The following DISP2 variants were observed in gnomAD, a reference collection of about 807,000 sequenced individuals.
The protein encoded by DISP2 is protein dispatched homolog 2.
In DISP2, 59 loss-of-function variants were observed where a neutral mutation model predicts 95.5. The ratio of observed to expected loss-of-function variants is 0.62; its 90% confidence interval spans 0.50 to 0.77. The LOEUF (loss-of-function observed/expected upper bound fraction) is 0.77, where lower values mean the gene tolerates loss of function less well. DISP2 is among the 30% of genes least tolerant of loss of function. The probability of loss-of-function intolerance (pLI) is 0.00; values close to 1 mark genes in which losing one functional copy is unlikely to be tolerated. For synonymous variants in DISP2, 827 were observed against 815.0 expected, an observed-to-expected ratio of 1.01 and a Z score of -0.25; for missense variants, 1,752 against 1,854.6, an observed-to-expected ratio of 0.94 and a Z score of 1.02.
rs1422856899 is a variant in DISP2, at chr15:40,358,380, C to T, written c.59C>T (p.Pro20Leu). 1 of 1,368,436 alleles carries T rather than the reference C, an allele frequency of 7.3e-7. No individual in the cohort carries two copies. The highest frequency in any genetic ancestry group is 1.7e-5 in the South Asian group (1 of 59,248). 84.8% of individuals were successfully genotyped at this position (1,368,436 alleles called of 1,614,324 possible). The change falls in exon 1 of 8, where the codon CCG becomes CTG. Residue 20 changes from proline to leucine, a missense_variant. Around this residue, in one of 5 missense-constraint regions of DISP2, gnomAD observed 342 missense variants for 364.3 expected, o/e 0.94. Transcript: ENST00000267889. ...AGCGGTCCGGCTCCCGGCCCGGGTC[C>T]GGAAGGGGAGCAACGGCCCGAGGGG... is the stretch of plus-strand genomic sequence containing the variant. Reference protein sequence around the residue: ...GGSGPAPGPGPEGEQRPEGEP... With the variant: ...GGSGPAPGPGLEGEQRPEGEP...
chr15:40,362,475 G>A (rs1273869818), intron 1 of DISP2, among the ~76,000 whole-genome samples: 1 of 152,186 alleles, frequency 6.6e-6, no homozygotes, highest in African/African-American at 2.4e-5. Context: ...TTTCCAGGAC[G>A]CCTTCTCTGT....
At chr15:40,364,802 C>G (rs779555159) in intron 4 of DISP2, 36 bp from the exon 5 acceptor site, 21 of 1,598,662 alleles carry the variant, frequency 1.3e-5, no homozygotes, top group Non-Finnish European at 1.8e-5. Context: ...AACTCCTACC[C>G]TGCCCACCTG....
Position 40,367,658 on chromosome 15 carries a change from G to A in DISP2, c.1546G>A (p.Val516Met). Residue 516 changes from valine to methionine, a missense_variant, in exon 8 of 8, where the codon GTG becomes ATG. Around this residue, in one of 5 missense-constraint regions of DISP2, gnomAD observed 732 missense variants for 714.6 expected, o/e 1.02. Coordinates refer to ENST00000267889, the MANE Select transcript of DISP2 (RefSeq NM_033510.3). ...GCGCTCACTCTTCCTCACGCTCATGGTGCTGCTGGGGGTGCTGGGCTCACT... is the reference window on the plus strand; with the variant it reads ...GCGCTCACTCTTCCTCACGCTCATGATGCTGCTGGGGGTGCTGGGCTCACT... Reference protein sequence around the residue: ...YLRSLFLTLMVLLGVLGSLLV... With the variant: ...YLRSLFLTLMMLLGVLGSLLV... The A allele has an allele frequency of 3.7e-6, 6 of 1,613,992 alleles. No individual in the cohort carries two copies. Among genetic ancestry groups the A allele is most frequent in the Non-Finnish European group, 5.1e-6 (6 of 1,180,006 alleles).
At chr15:40,361,248 A>T (rs959085315) in intron 1 of DISP2, among the ~76,000 whole-genome samples, 1 of 152,250 alleles carries the variant, frequency 6.6e-6, no homozygotes, top group East Asian at 1.9e-4. Context: ...GAAAGTATTT[A>T]TATAGGTAGT....
At position 40,372,434 on chromosome 15, in the gene DISP2, C is replaced by T. The variant is rs1002423958; in HGVS notation, c.*2116C>T. 2.6e-5 allele frequency: 4 copies of T among 152,080 alleles called. No homozygotes were observed. Among genetic ancestry groups the T allele is most frequent in the Admixed American group, 6.6e-5 (1 of 15,266 alleles). 9.4% of individuals were successfully genotyped at this position (152,080 alleles called of 1,614,324 possible). A position where few individuals can be genotyped will look rare whatever the true frequency, so the allele number is the denominator to read the frequency against. ...AGCCCATGAGAAGTGGAGCAGAAAC[C>T]GAAAAGAGACATGGGAGTTGTGGAA... On this transcript the variant is annotated 3_prime_UTR_variant, in exon 8 of 8. Transcript: ENST00000267889.
rs199498239 is a variant in DISP2, at chr15:40,369,426, T to A, written c.3314T>A (p.Phe1105Tyr). Residue 1105 changes from phenylalanine (F) to tyrosine (Y), a missense_variant, in exon 8 of 8, where the codon TTC (phenylalanine) becomes TAC (tyrosine). Physicochemically the swap from Phe to Tyr is conservative, Grantham distance 22. This residue lies in a region of DISP2 where 317 missense variants were observed against 394.9 expected (regional missense o/e 0.80). Coordinates refer to ENST00000267889, the MANE Select transcript of DISP2 (RefSeq NM_033510.3). Reference sequence around the variant, plus strand: ...TGCGTCAGTTGTGGCTTTGCCAGCTTCTTCTTCCAATCTCTCTGCTGTTTC... The same window carrying A: ...TGCGTCAGTTGTGGCTTTGCCAGCTACTTCTTCCAATCTCTCTGCTGTTTC... ...VKCVSCGFAS[F>Y]FFQSLCCFFG... 5.0e-6 allele frequency: 8 copies of A among 1,613,418 alleles called. No homozygotes were observed. Among genetic ancestry groups the A allele is most frequent in the Non-Finnish European group, 6.8e-6 (8 of 1,180,030 alleles).
rs1192573710 is a variant in DISP2 at position 40,371,563 on chromosome 15, G to C, written c.*1245G>C. ...GTGAAGCCAAATCCAATCAAGGCAGGAACTCAGACCTGCCCTTTGGGAAGT... is the reference window on the plus strand; with the variant it reads ...GTGAAGCCAAATCCAATCAAGGCAGCAACTCAGACCTGCCCTTTGGGAAGT... On this transcript the variant is annotated 3_prime_UTR_variant, in exon 8 of 8. Coordinates refer to ENST00000267889, the MANE Select transcript of DISP2 (RefSeq NM_033510.3). 1 of 152,248 alleles carries C rather than the reference G, an allele frequency of 6.6e-6. No homozygotes were observed. The highest frequency in any genetic ancestry group is 1.5e-5 in the Non-Finnish European group (1 of 68,064). The allele number at this position is 152,248 out of a possible 1,614,324, so 9.4% of individuals were successfully genotyped here. A position where few individuals can be genotyped will look rare whatever the true frequency, so the allele number is the denominator to read the frequency against.
Position 40,370,348 on chromosome 15 carries a change from G to A in DISP2, c.*30G>A, listed in dbSNP as rs532315890. ...GACCCGGGGAGGCTGGACAGGGCGCGGAACCCTGTCATGGATGACAAGGCA... is the reference window on the plus strand; with the variant it reads ...GACCCGGGGAGGCTGGACAGGGCGCAGAACCCTGTCATGGATGACAAGGCA... On this transcript the variant is annotated 3_prime_UTR_variant, in exon 8 of 8. Coordinates refer to ENST00000267889, the MANE Select transcript of DISP2 (RefSeq NM_033510.3). The A allele has an allele frequency of 1.5e-4, 220 of 1,513,010 alleles. 4 individuals are homozygous for A. The highest frequency in any genetic ancestry group is 1.3e-3 in the South Asian group (100 of 76,706). The allele number at this position is 1,513,010 out of a possible 1,614,324, so 93.7% of individuals were successfully genotyped here. A position where few individuals can be genotyped will look rare whatever the true frequency, so the allele number is the denominator to read the frequency against.
At chr15:40,360,949 A>G (rs1889396589) in intron 1 of DISP2, among the ~76,000 whole-genome samples, 1 of 152,222 alleles carries the variant, frequency 6.6e-6, no homozygotes, top group Non-Finnish European at 1.5e-5. Context: ...GTGCTCAAGA[A>G]AAACCCGCAG....
chr15:40,366,605 C>G (rs985686909), intron 7 of DISP2, among the ~76,000 whole-genome samples: 1 of 152,162 alleles, frequency 6.6e-6, no homozygotes, highest in Admixed American at 6.5e-5. Flanking sequence ...AAGAAACAGC[C>G]CTGGGCCTAA....
intron 1 of DISP2, among the ~76,000 whole-genome samples, chr15:40,361,403 G>T (rs1226981345): frequency 6.6e-6 from 1 of 152,240 alleles, no homozygotes; most frequent in Non-Finnish European, 1.5e-5. Flanking sequence ...AAGCAAACGT[G>T]TCTTCCACGT....
chr15:40,363,926 G>T lies in DISP2; in HGVS notation c.421G>T (p.Ala141Ser), dbSNP rs530696119. 3 of 1,548,394 alleles carry T rather than the reference G, an allele frequency of 1.9e-6. No homozygotes were observed. Among genetic ancestry groups the T allele is most frequent in the East Asian group, 2.3e-5 (1 of 44,192 alleles). The change falls in exon 2 of 8, where the codon GCT (alanine) becomes TCT (serine). Residue 141 changes from alanine (A) to serine (S), a missense_variant. By Grantham distance (99) the Ala-to-Ser change is moderately conservative (BLOSUM62 1). Around this residue, in one of 5 missense-constraint regions of DISP2, gnomAD observed 342 missense variants for 364.3 expected, o/e 0.94. Transcript: ENST00000267889. ...SQRDGTWKPPAVQHHVVSVRQ... is the reference protein window; with the variant it reads ...SQRDGTWKPPSVQHHVVSVRQ... ...GCGCGATGGGACCTGGAAGCCACCC[G>T]CTGTGCAGCACCATGTGGTCAGCGT...
chr15:40,374,105 G>A lies in DISP2; in HGVS notation c.*3787G>A, dbSNP rs1403634220. The A allele has an allele frequency of 6.6e-6, 1 of 150,678 alleles. No individual in the cohort carries two copies. Among genetic ancestry groups the A allele is most frequent in the East Asian group, 1.9e-4 (1 of 5,156 alleles). The allele number at this position is 150,678 out of a possible 1,614,324, so 9.3% of individuals were successfully genotyped here. On this transcript the variant is annotated 3_prime_UTR_variant, in exon 8 of 8. Transcript: ENST00000267889. ...CTGTGGTGATTTGGGGACTTTTAGA[G>A]TGACAGTGTTAGACAGACTGATTTT...
At chr15:40,364,569 G>C (rs762927408) in intron 4 of DISP2, 25 bp downstream of exon 4, 1 of 1,610,108 alleles carries the variant, frequency 6.2e-7, no homozygotes, top group East Asian at 2.2e-5. Flanking sequence ...GGTGGGACGG[G>C]GTCCCCAGGC....
Position 40,367,423 on chromosome 15 carries a change from G to A in DISP2, c.1311G>A (p.Leu437=). The part of the protein sequence containing the change: ...DYQVPSLKYS[L]LFLPTPKGAS... ...AGGTGCCTTCCCTCAAGTACAGCCTGCTCTTCCTGCCCACCCCAAAGGGTG... is the reference window on the plus strand; with the variant it reads ...AGGTGCCTTCCCTCAAGTACAGCCTACTCTTCCTGCCCACCCCAAAGGGTG... Residue 437 remains leucine, a synonymous_variant, in exon 8 of 8, where the codon CTG becomes CTA. Coordinates refer to ENST00000267889, the MANE Select transcript of DISP2 (RefSeq NM_033510.3). 1 of 1,613,564 alleles carries A rather than the reference G, an allele frequency of 6.2e-7. No homozygotes were observed. Among genetic ancestry groups the A allele is most frequent in the South Asian group, 1.1e-5 (1 of 91,044 alleles).
Position 40,368,619 on chromosome 15 carries a change from G to C in DISP2, c.2507G>C (p.Cys836Ser), listed in dbSNP as rs1166147138. ...DTLQEGWPTL[C>S]FVETLQRWME... ...CTGCAGGAAGGCTGGCCCACGCTGT[G>C]TTTCGTGGAGACCCTCCAGCGCTGG... Residue 836 changes from cysteine (C) to serine (S), a missense_variant, in exon 8 of 8, where the codon TGT becomes TCT. Around this residue, in one of 5 missense-constraint regions of DISP2, gnomAD observed 317 missense variants for 394.9 expected, o/e 0.80. Coordinates refer to ENST00000267889, the MANE Select transcript of DISP2 (RefSeq NM_033510.3). 6.2e-7 allele frequency: 1 copy of C among 1,608,006 alleles called. No homozygotes were observed. The highest frequency in any genetic ancestry group is 1.3e-5 in the African/African-American group (1 of 75,072).
Position 40,358,350 on chromosome 15 carries a change from G to T in DISP2, c.29G>T (p.Gly10Val). 1 of 1,391,284 alleles carries T rather than the reference G, an allele frequency of 7.2e-7. No individual in the cohort carries two copies. The highest frequency in any genetic ancestry group is 1.6e-5 in the South Asian group (1 of 64,304). The allele number at this position is 1,391,284 out of a possible 1,614,324, so 86.2% of individuals were successfully genotyped here. A position where few individuals can be genotyped will look rare whatever the true frequency, so the allele number is the denominator to read the frequency against. MDGDSSSSS[G>V]GSGPAPGPGP... is the part of the protein sequence containing the mutation. ...GACGGTGACAGCAGCAGCAGCAGCG[G>T]CGGCAGCGGTCCGGCTCCCGGCCCG... Residue 10 changes from glycine (G) to valine (V), a missense_variant, in exon 1 of 8, where the codon GGC becomes GTC. By Grantham distance (109) the Gly-to-Val change is moderately radical. This residue lies in a region of DISP2 where 342 missense variants were observed against 364.3 expected (regional missense o/e 0.94). Transcript: ENST00000267889.
intron 7 of DISP2, 28 bp downstream of exon 7, chr15:40,365,753 T>C: frequency 6.2e-7 from 1 of 1,609,200 alleles, no homozygotes; most frequent in South Asian, 1.1e-5. Context: ...GTGCCAGGGG[T>C]TTGGGGGGAA....
Position 40,367,967 on chromosome 15 carries a change from G to A in DISP2, c.1855G>A (p.Ala619Thr), listed in dbSNP as rs1011905367. Residue 619 changes from alanine to threonine, a missense_variant, in exon 8 of 8, where the codon GCC becomes ACC. Ala to Thr is a moderately conservative substitution (Grantham distance 58). Around this residue, in one of 5 missense-constraint regions of DISP2, gnomAD observed 732 missense variants for 714.6 expected, o/e 1.02. Coordinates refer to ENST00000267889, the MANE Select transcript of DISP2 (RefSeq NM_033510.3). The part of the protein sequence containing the change: ...LSRLPAVRCL[A>T]LFMGTAVLVH... ...CCGCCTGCCGGCCGTTCGCTGCCTC[G>A]CCCTCTTCATGGGCACGGCTGTGCT... is the stretch of plus-strand genomic sequence containing the variant. 3.2e-6 allele frequency: 5 copies of A among 1,568,676 alleles called. No homozygotes were observed. The highest frequency in any genetic ancestry group is 1.1e-5 in the South Asian group (1 of 87,152).
Sources: gnomAD v4.1 joint callset for allele counts (sites outside exome capture counted in the v4.1 genomes callset) on GRCh38, gnomAD v4.1.1 for gene constraint, gnomAD v4.1.1 regional missense constraint, MANE v1.5 for transcripts, NCBI Gene and HGNC (gene_info 2026-07-23, HGNC 2026-07-21) for gene names.